The following XPOT variants were observed in gnomAD, a reference collection of about 807,000 sequenced individuals.
The protein encoded by XPOT is exportin for tRNA.
In XPOT, 34 loss-of-function variants were observed where a neutral mutation model predicts 128.2. The observed-to-expected ratio is 0.27, with a 90% CI of 0.20 to 0.35. The LOEUF is 0.35. Among genes scored for constraint, XPOT ranks in the 10% least tolerant of loss-of-function variants. The pLI is 1.00. For missense variants in XPOT, 838 were observed against 1,125.3 expected (o/e 0.74, Z 3.65); for synonymous variants, 348 against 394.3 (o/e 0.88, Z 1.39).
At chr12:64,416,097 C>A (rs1237363787) in intron 3 of XPOT, among the ~76,000 whole-genome samples, 2 of 152,198 alleles carry the variant, frequency 1.3e-5, no homozygotes, top group South Asian at 2.1e-4. Context: ...CTCTGCCACT[C>A]CCCTAGAAAG....
intron 23 of XPOT, among the ~76,000 whole-genome samples, chr12:64,444,262 A>G (rs2040350401): frequency 6.6e-6 from 1 of 152,198 alleles, no homozygotes; most frequent in Non-Finnish European, 1.5e-5. Context: ...GCATGAATCC[A>G]CCTTGTCTAG....
At chr12:64,417,393 A>T (rs1041218647) in intron 4 of XPOT, among the ~76,000 whole-genome samples, 7 of 152,164 alleles carry the variant, frequency 4.6e-5, no homozygotes, top group African/African-American at 9.7e-5. Flanking sequence ...AAATTTTTTT[A>T]AAAAATTAGC....
At chr12:64,424,866 T>G in intron 12 of XPOT, 143 bp downstream of exon 12, 2 of 1,351,940 alleles carry the variant, frequency 1.5e-6, no homozygotes, top group South Asian at 2.8e-5. Flanking sequence ...TGCACTTGTC[T>G]TCTTGATTTA....
At position 64,430,056 on chromosome 12, in the gene XPOT, G is replaced by A. The variant is rs372602682; in HGVS notation, c.1745G>A (p.Gly582Asp). The A allele has an allele frequency of 6.3e-7, 1 of 1,574,930 alleles. No homozygotes were observed. Among genetic ancestry groups the A allele is most frequent in the African/African-American group, 1.4e-5 (1 of 72,754 alleles). The change falls in exon 17 of 25, where the codon GGC becomes GAC. Residue 582 changes from glycine (G) to aspartate (D), a missense_variant. By Grantham distance (94) the Gly-to-Asp change is moderately conservative. Transcript: ENST00000332707. ...GACTGAATTTCATTCTAGGAGAATGGCCACCAGTCCTTACTGAGCAGCGAT... is the reference window on the plus strand; with the variant it reads ...GACTGAATTTCATTCTAGGAGAATGACCACCAGTCCTTACTGAGCAGCGAT... ...DLLELSPPEN[G>D]HQSLLSSDDQ...
intron 4 of XPOT, 96 bp downstream of exon 4, chr12:64,416,850 T>G: frequency 9.1e-7 from 1 of 1,101,332 alleles, no homozygotes; most frequent in Non-Finnish European, 1.4e-6. Context: ...TAATACAGGT[T>G]GTAAATTCAC....
intron 1 of XPOT, chr12:64,405,290 C>T (rs1456043240): frequency 6.6e-6 from 1 of 152,208 alleles, no homozygotes; most frequent in East Asian, 1.9e-4. Context: ...TCCTCACCAT[C>T]CTGCAGGACT....
At chr12:64,440,899 A>G (rs1474669676) in intron 23 of XPOT, among the ~76,000 whole-genome samples, 2 of 152,182 alleles carry the variant, frequency 1.3e-5, no homozygotes, top group Admixed American at 6.5e-5. Context: ...TTCTTTAGCT[A>G]TTCCAGAGGT....
Position 64,431,771 on chromosome 12 carries a change from A to G in XPOT, c.2210A>G (p.Lys737Arg). The change falls in exon 18 of 25, where the codon AAA (lysine) becomes AGA (arginine). Residue 737 changes from lysine to arginine, a missense_variant. Lys to Arg is a conservative substitution (Grantham distance 26). Transcript: ENST00000332707. ...SEHMLKDCEA[K>R]DLQEFIPLIN... Reference sequence around the variant, plus strand: ...CATATGCTCAAAGATTGTGAAGCAAAAGATCTCCAGGAGTTCATTCCTCTT... The same window carrying G: ...CATATGCTCAAAGATTGTGAAGCAAGAGATCTCCAGGAGTTCATTCCTCTT... 4 of 1,614,100 alleles carry G rather than the reference A, an allele frequency of 2.5e-6. No individual in the cohort carries two copies. Among genetic ancestry groups the G allele is most frequent in the Non-Finnish European group, 3.4e-6 (4 of 1,180,002 alleles).
chr12:64,417,833 A>T (rs763251374), intron 4 of XPOT, among the ~76,000 whole-genome samples: 1 of 152,232 alleles, frequency 6.6e-6, no homozygotes, highest in Non-Finnish European at 1.5e-5. Context: ...ACATGAACAG[A>T]ATCACAAATT....
At chr12:64,427,224 A>C (rs539760470) in intron 15 of XPOT, among the ~76,000 whole-genome samples, 58 of 148,596 alleles carry the variant, frequency 3.9e-4, no homozygotes, top group South Asian at 4.3e-4. Context: ...GGTTGAAGCG[A>C]TTCTCCTGCC....
At chr12:64,414,305 G>A (rs1460237143) in intron 2 of XPOT, among the ~76,000 whole-genome samples, 2 of 152,064 alleles carry the variant, frequency 1.3e-5, no homozygotes, top group Admixed American at 1.3e-4. Context: ...AAACTTCCTC[G>A]AGCTTTGACC....
chr12:64,415,780 C>G (rs1238304608), intron 3 of XPOT, among the ~76,000 whole-genome samples: 2 of 152,132 alleles, frequency 1.3e-5, no homozygotes, highest in Non-Finnish European at 2.9e-5. Context: ...AACTAGCATT[C>G]ACTTTATTCG....
chr12:64,424,842 A>G (rs1225260635), intron 12 of XPOT, 119 bp downstream of exon 12: 6 of 1,396,756 alleles, frequency 4.3e-6, no homozygotes, highest in East Asian at 2.3e-5. Flanking sequence ...TCTTATGTGT[A>G]TCTCTGGAAA....
At position 64,420,167 on chromosome 12, in the gene XPOT, T is replaced by A; in HGVS notation, c.587T>A (p.Phe196Tyr). The A allele has an allele frequency of 6.2e-7, 1 of 1,613,170 alleles. No homozygotes were observed. The highest frequency in any genetic ancestry group is 8.5e-7 in the Non-Finnish European group (1 of 1,179,604). Residue 196 changes from phenylalanine to tyrosine, a missense_variant, in exon 7 of 25, where the codon TTT becomes TAT. Phe to Tyr is a conservative substitution (Grantham distance 22). Transcript: ENST00000332707. ...SWYQILQNYQ[F>Y]TNSEVTCQCL... ...TACCAAATATTACAAAATTATCAGT[T>A]TACTAATTCTGAAGTGACGTGTCAG...
At chr12:64,445,462 A>G (rs551806635) in intron 24 of XPOT, among the ~76,000 whole-genome samples, 9 of 152,258 alleles carry the variant, frequency 5.9e-5, no homozygotes, top group Non-Finnish European at 8.8e-5. Flanking sequence ...ATTTGCTTAT[A>G]TCCTATTTTG....
chr12:64,444,057 T>C (rs1201005576), intron 23 of XPOT, among the ~76,000 whole-genome samples: 1 of 152,244 alleles, frequency 6.6e-6, no homozygotes. Flanking sequence ...ATTATTTTTC[T>C]ATTTAGTAAT....
intron 9 of XPOT, among the ~76,000 whole-genome samples, chr12:64,421,684 A>G (rs2040139692): frequency 6.6e-6 from 1 of 151,344 alleles, no homozygotes; most frequent in Non-Finnish European, 1.5e-5. Context: ...AACCAGCTTC[A>G]GAGGTAGTTA....
At chr12:64,445,272 G>A in intron 24 of XPOT, 141 bp downstream of exon 24, 1 of 597,524 alleles carries the variant, frequency 1.7e-6, no homozygotes, top group Non-Finnish European at 2.8e-6. Flanking sequence ...AGTTAGGTAA[G>A]CACACTGAAT....
chr12:64,428,161 T>C (rs766998337), intron 16 of XPOT, 41 bp downstream of exon 16: 4 of 1,379,936 alleles, frequency 2.9e-6, no homozygotes, highest in South Asian at 2.4e-5. Flanking sequence ...CCAGAATTCA[T>C]TGAAGCCACA....
Sources: allele counts gnomAD v4.1 joint callset (sites outside exome capture counted in the v4.1 genomes callset), GRCh38; gene constraint gnomAD v4.1.1; transcripts MANE v1.5; gene names NCBI Gene and HGNC (gene_info 2026-07-23, HGNC 2026-07-21).